SPTBN1: variants seen among roughly 807,000 people sequenced by gnomAD.
The protein encoded by SPTBN1 is spectrin beta chain, non-erythrocytic 1.
Under a neutral mutation model 266.4 loss-of-function variants are expected in SPTBN1, and 32 were observed. The observed-to-expected ratio is 0.12, with a 90% CI of 0.09 to 0.16. SPTBN1 has a LOEUF of 0.16. Among genes scored for constraint, SPTBN1 ranks in the 10% least tolerant of loss-of-function variants. The pLI, the probability that SPTBN1 is intolerant of heterozygous loss-of-function variation, is 1.00. For synonymous variants in SPTBN1, 1,336 were observed against 1,162.2 expected, an observed-to-expected ratio of 1.15 and a Z score of -3.04; for missense variants, 2,296 against 3,067.1, an observed-to-expected ratio of 0.75 and a Z score of 5.94.
At position 54,558,077 on chromosome 2, in the gene SPTBN1, A is replaced by C; in HGVS notation, c.148+31511A>C. The C allele has an allele frequency of 1.0e-6, 1 of 985,396 alleles. No homozygotes were observed. The highest frequency in any genetic ancestry group is 1.2e-6 in the Non-Finnish European group (1 of 829,908). 61.0% of individuals were successfully genotyped at this position (985,396 alleles called of 1,614,324 possible). A position where few individuals can be genotyped will look rare whatever the true frequency, so the allele number is the denominator to read the frequency against. The stretch of plus-strand genomic sequence containing the variant: ...CGCGCTAGCCTTTTCAAGTGATAGT[A>C]ATCGGAGACTTTTCCGTTACATGAG... On this transcript the variant is annotated intron_variant, in intron 2 of 35. Coordinates refer to ENST00000356805, the MANE Select transcript of SPTBN1 (RefSeq NM_003128.3). This position sits in a 1 kb window ranked among gnomAD's most constrained non-coding sequence, Gnocchi z 4.6.
Position 54,485,152 on chromosome 2 carries a change from C to CTCTCCCTGTCCCTCTCCCTCCG in SPTBN1, c.-48+28641_-48+28642insGTCCCTCTCCCTCCGTCTCCCT, listed in dbSNP as rs1553431794. Among the ~76,000 whole-genome samples the CTCTCCCTGTCCCTCTCCCTCCG allele has an allele frequency of 6.4e-4, 96 of 149,300 alleles. 2 individuals carry two copies. In the East Asian group the frequency reaches 0.018, roughly 28 times the overall value. Reference sequence around the variant, plus strand: ...AAATATTGAAAACAATCGCCTCTCCCTCTCCCTCTCCCTCTCCCTCCGTCT... The same window carrying CTCTCCCTGTCCCTCTCCCTCCG: ...AAATATTGAAAACAATCGCCTCTCCCTCTCCCTGTCCCTCTCCCTCCGTCTCCCTCTCCCTCTCCCTCCGTCT... On this transcript the variant is annotated intron_variant, in intron 1 of 35. Coordinates refer to ENST00000356805, the MANE Select transcript of SPTBN1 (RefSeq NM_003128.3).
rs151156900 is a variant in SPTBN1, at chr2:54,629,932, C to T, written c.2710C>T (p.Arg904Trp). ...ACCAGAAATGAACAACCAGGCTTCC[C>T]GGGTTGCAGTGGTGAACCAGATTGC... is the stretch of plus-strand genomic sequence containing the variant. ...LEPEMNNQAS[R>W]VAVVNQIARQ... Residue 904 changes from arginine (R) to tryptophan (W), a missense_variant, in exon 15 of 36, where the codon CGG becomes TGG. By Grantham distance (101) the Arg-to-Trp change is moderately radical (BLOSUM62 -3). Around this residue, in one of 12 missense-constraint regions of SPTBN1, gnomAD observed 1 missense variants for 21.1 expected, o/e 0.05. Coordinates refer to ENST00000356805, the MANE Select transcript of SPTBN1 (RefSeq NM_003128.3). 5 of 1,613,974 alleles carry T rather than the reference C, an allele frequency of 3.1e-6. No individual in the cohort carries two copies. Among genetic ancestry groups the T allele is most frequent in the Middle Eastern group, 1.6e-4 (1 of 6,084 alleles).
At chr2:54,500,566 G>T (rs1254712744) in intron 1 of SPTBN1, among the ~76,000 whole-genome samples, 2 of 152,108 alleles carry the variant, frequency 1.3e-5, no homozygotes, top group African/African-American at 4.8e-5. Flanking sequence ...TTTGTTTTGA[G>T]ACAGGGTCTG....
intron 7 of SPTBN1, among the ~76,000 whole-genome samples, chr2:54,620,445 A>G (rs1484417586): frequency 7.2e-6 from 1 of 138,126 alleles, no homozygotes; most frequent in Non-Finnish European, 1.5e-5. Flanking sequence ...AGGAAGGCGT[A>G]TTGGAAATTA....
intron 2 of SPTBN1, among the ~76,000 whole-genome samples, chr2:54,560,457 G>C (rs956683852): frequency 2.6e-5 from 4 of 152,120 alleles, no homozygotes; most frequent in Non-Finnish European, 4.4e-5. Context: ...CTGTTATTCC[G>C]AAAGGGCTGA....
chr2:54,493,478 T>G (rs1668800836), intron 1 of SPTBN1, among the ~76,000 whole-genome samples: 1 of 152,050 alleles, frequency 6.6e-6, no homozygotes, highest in Non-Finnish European at 1.5e-5. Context: ...TGATCTCAGC[T>G]CACTGCAACC....
At chr2:54,627,822 TTTC>T (rs1422449287) in intron 12 of SPTBN1, among the ~76,000 whole-genome samples, 2 of 144,692 alleles carry the variant, frequency 1.4e-5, no homozygotes, top group Non-Finnish European at 3.0e-5. Flanking sequence ...TCACCATCTT[TTTC>T]TTCTATTCTG....
rs773684763 is a variant in SPTBN1 at position 54,668,339 on chromosome 2, TCCTC to T, written c.6877-11_6877-8del. 1.2e-6 allele frequency: 2 copies of T among 1,613,428 alleles called. No homozygotes were observed. Among genetic ancestry groups the T allele is most frequent in the African/African-American group, 2.7e-5 (2 of 74,898 alleles). ...TTAGTTGAGTCTCACCTGTGTCCCTTCCTCTGTCCAGGAGGAAATGAACACATGG... is the reference window on the plus strand; with the variant it reads ...TTAGTTGAGTCTCACCTGTGTCCCTTTGTCCAGGAGGAAATGAACACATGG... On this transcript the variant is annotated splice_region_variant and splice_polypyrimidine_tract_variant and intron_variant, in intron 35 of 35. Coordinates refer to ENST00000356805, the MANE Select transcript of SPTBN1 (RefSeq NM_003128.3).
At chr2:54,648,676 C>T (rs1438198393) in intron 24 of SPTBN1, among the ~76,000 whole-genome samples, 1 of 152,214 alleles carries the variant, frequency 6.6e-6, no homozygotes, top group Non-Finnish European at 1.5e-5. Context: ...TTTCCCCTTT[C>T]CCCGCTAAAT....
chr2:54,650,675 AGT>A (rs1357928001), intron 26 of SPTBN1, among the ~76,000 whole-genome samples: 1 of 152,240 alleles, frequency 6.6e-6, no homozygotes, highest in African/African-American at 2.4e-5. Context: ...TGAGTATCTA[AGT>A]TATCTCAGCT....
Position 54,558,934 on chromosome 2 carries a change from G to A in SPTBN1, c.148+32368G>A. On this transcript the variant is annotated intron_variant, in intron 2 of 35. Coordinates refer to ENST00000356805, the MANE Select transcript of SPTBN1 (RefSeq NM_003128.3). The surrounding 1 kb of genome is among the most constrained non-coding windows in gnomAD (Gnocchi z 4.6). ...GGGCCTGTCCTGGGTGCCAACGGGGGTTCTTGGAGGCTTTATTTGTGACCC... is the reference window on the plus strand; with the variant it reads ...GGGCCTGTCCTGGGTGCCAACGGGGATTCTTGGAGGCTTTATTTGTGACCC... 1.3e-6 allele frequency: 2 copies of A among 1,589,086 alleles called. No homozygotes were observed. Among genetic ancestry groups the A allele is most frequent in the Non-Finnish European group, 1.7e-6 (2 of 1,165,276 alleles).
rs1219825703 is a variant in SPTBN1 at position 54,647,114 on chromosome 2, T to C, written c.4867-17T>C. 3 of 1,614,042 alleles carry C rather than the reference T, an allele frequency of 1.9e-6. No individual in the cohort carries two copies. The African/African-American group carries it at 4.0e-5, about 22-fold the overall frequency. ...AGAGGGGACCGCTATGGTTGTGATG[T>C]TCTCCTGTCTTTGCAGGATGAGCAG... On this transcript the variant is annotated splice_polypyrimidine_tract_variant and intron_variant, in intron 23 of 35. Transcript: ENST00000356805.
intron 2 of SPTBN1, among the ~76,000 whole-genome samples, chr2:54,574,196 A>ATCCC (rs1674297349): frequency 6.6e-6 from 1 of 152,034 alleles, no homozygotes; most frequent in South Asian, 2.1e-4. Context: ...CTAATTTCAC[A>ATCCC]ATCAGAAGAA....
intron 1 of SPTBN1, among the ~76,000 whole-genome samples, chr2:54,475,865 T>C (rs897077831): frequency 2.0e-5 from 3 of 152,206 alleles, no homozygotes; most frequent in Non-Finnish European, 4.4e-5. Flanking sequence ...AACAAAACTT[T>C]TGATGCTTCA....
intron 3 of SPTBN1, among the ~76,000 whole-genome samples, chr2:54,600,833 T>TA (rs1206638370): frequency 6.6e-6 from 1 of 151,320 alleles, no homozygotes; most frequent in East Asian, 1.9e-4. Flanking sequence ...TTTTTTTTTT[T>TA]AATTTATTTT....
chr2:54,548,720 C>A (rs1230662655), intron 2 of SPTBN1, among the ~76,000 whole-genome samples: 1 of 152,208 alleles, frequency 6.6e-6, no homozygotes, highest in Non-Finnish European at 1.5e-5. Flanking sequence ...CCTCATTTCT[C>A]ATTTTTCTTA....
chr2:54,622,216 G>A (rs1678034717), intron 8 of SPTBN1, 84 bp from the exon 9 acceptor site: 1 of 1,377,634 alleles, frequency 7.3e-7, no homozygotes, highest in Non-Finnish European at 1.0e-6. Context: ...GTCGTTTTGT[G>A]TGCATGCACT....
At chr2:54,529,347 T>C (rs758396828) in intron 2 of SPTBN1, 10 of 594,112 alleles carry the variant, frequency 1.7e-5, no homozygotes, top group African/African-American at 5.7e-5. Flanking sequence ...TTTCAGAAGA[T>C]GGCACCGAAA....
At chr2:54,606,489 C>T (rs1676846680) in intron 3 of SPTBN1, among the ~76,000 whole-genome samples, 2 of 152,158 alleles carry the variant, frequency 1.3e-5, no homozygotes, top group African/African-American at 4.8e-5. Flanking sequence ...GAAGAAAAGG[C>T]CCCTGAACAG....
Sources: allele counts gnomAD v4.1 joint callset (sites outside exome capture counted in the v4.1 genomes callset), GRCh38; gene constraint gnomAD v4.1.1; regional missense constraint gnomAD v4.1.1; non-coding constraint Gnocchi (gnomAD v3.1); transcripts MANE v1.5; gene names NCBI Gene and HGNC (gene_info 2026-07-23, HGNC 2026-07-21).